The following BCL11A variants were observed in gnomAD, a reference collection of about 807,000 sequenced individuals.
BCL11A encodes the protein BCL11 transcription factor A, also known as B cell CLL/lymphoma 11A.
In BCL11A, 2 loss-of-function variants were observed where a neutral mutation model predicts 55.9. That is an observed-to-expected ratio of 0.04 (90% confidence interval 0.01 to 0.11). The LOEUF is 0.11. BCL11A is among the 10% of genes least tolerant of loss of function. The pLI is 1.00. For missense variants in BCL11A, 817 were observed against 1,137.1 expected, an observed-to-expected ratio of 0.72 and a Z score of 4.05; for synonymous variants, 465 against 473.4, an observed-to-expected ratio of 0.98 and a Z score of 0.23.
intron 2 of BCL11A, among the ~76,000 whole-genome samples, chr2:60,532,429 T>C (rs1052195279): frequency 6.6e-6 from 1 of 152,056 alleles, no homozygotes; most frequent in Non-Finnish European, 1.5e-5. Flanking sequence ...TTTTCTTTTT[T>C]TGGTGGTGGT....
At chr2:60,527,875 G>A (rs1457808697) in intron 2 of BCL11A, 1 of 152,212 alleles carries the variant, frequency 6.6e-6, no homozygotes, top group Non-Finnish European at 1.5e-5. Flanking sequence ...CATCTGCAAC[G>A]AACCTCAGGT....
intron 2 of BCL11A, chr2:60,478,119 C>A (rs1261659833): frequency 1.3e-5 from 2 of 152,304 alleles, no homozygotes; most frequent in Non-Finnish European, 2.9e-5. Flanking sequence ...GCGCCACCAC[C>A]ACACCTGGCT....
intron 2 of BCL11A, among the ~76,000 whole-genome samples, chr2:60,515,963 C>G (rs1387196261): frequency 6.6e-6 from 1 of 152,192 alleles, no homozygotes; most frequent in Non-Finnish European, 1.5e-5. Context: ...TGGGCCAACA[C>G]CCACGGAGGG....
intron 3 of BCL11A, among the ~76,000 whole-genome samples, chr2:60,466,575 T>A (rs1248740720): frequency 6.6e-6 from 1 of 152,166 alleles, no homozygotes; most frequent in East Asian, 1.9e-4. Context: ...ACAATAACTC[T>A]TTGTTACCTA....
intron 2 of BCL11A, among the ~76,000 whole-genome samples, chr2:60,493,175 A>G (rs1182356741): frequency 3.4e-5 from 3 of 87,186 alleles, no homozygotes; most frequent in African/African-American, 1.5e-4. Flanking sequence ...TCATTCTTCT[A>G]CTGTTGAGTT....
intron 1 of BCL11A, among the ~76,000 whole-genome samples, chr2:60,549,204 C>T (rs939997345): frequency 6.6e-6 from 1 of 152,140 alleles, no homozygotes; most frequent in Non-Finnish European, 1.5e-5. Context: ...GTCTCAATGT[C>T]TCAGTGACAG....
intron 2 of BCL11A, chr2:60,545,247 T>C (rs1000581801): frequency 3.3e-5 from 5 of 152,276 alleles, no homozygotes; most frequent in African/African-American, 1.2e-4. Context: ...AACCAACCTT[T>C]TGAAATTTCC....
At chr2:60,522,672 C>T (rs1488852427) in intron 2 of BCL11A, 1 of 152,336 alleles carries the variant, frequency 6.6e-6, no homozygotes, top group Non-Finnish European at 1.5e-5. Flanking sequence ...GCCCCACAGG[C>T]CCTGAGTCTC....
intron 1 of BCL11A, 148 bp downstream of exon 1, chr2:60,553,068 A>T (rs1670488068): frequency 2.7e-6 from 2 of 752,092 alleles, no homozygotes; most frequent in Non-Finnish European, 4.0e-6. Context: ...TTCCCCCTTT[A>T]TCTCTTTTAC....
chr2:60,502,125 G>T (rs1679325072), intron 2 of BCL11A, among the ~76,000 whole-genome samples: 1 of 152,288 alleles, frequency 6.6e-6, no homozygotes, highest in South Asian at 2.1e-4. Flanking sequence ...TTTGCATGTT[G>T]TAACAATGCA....
chr2:60,454,143 C>T (rs141099419), downstream of BCL11A, among the ~76,000 whole-genome samples: 8 of 152,072 alleles, frequency 5.3e-5, no homozygotes, highest in Non-Finnish European at 1.2e-4. Flanking sequence ...AATGGGATAA[C>T]GAGATGCCAG....
Position 60,460,271 on chromosome 2 carries a change from GTT to G in BCL11A, c.*131_*132del, listed in dbSNP as rs1353365493. ...ATTCTTAGCTTCGTTACTTCTGTTT[GTT>G]TGTTTGTTTGTTTAAATCACATGGG... is the stretch of plus-strand genomic sequence containing the variant. On this transcript the variant is annotated 3_prime_UTR_variant, in exon 4 of 4. Transcript: ENST00000642384. The G allele has an allele frequency of 9.0e-6, 13 of 1,437,002 alleles. No homozygotes were observed. Among genetic ancestry groups the G allele is most frequent in the Non-Finnish European group, 1.2e-5 (13 of 1,096,360 alleles). 89.0% of individuals were successfully genotyped at this position (1,437,002 alleles called of 1,614,324 possible).
At position 60,553,455 on chromosome 2, in the gene BCL11A, G is replaced by A; in HGVS notation, c.-185C>T. 1 of 218,760 alleles carries A rather than the reference G, an allele frequency of 4.6e-6. No homozygotes were observed. 13.6% of individuals were successfully genotyped at this position (218,760 alleles called of 1,614,324 possible). On this transcript the variant is annotated 5_prime_UTR_variant, in exon 1 of 4. Transcript: ENST00000642384. ...GATGGCGCAGGGAAGATGAATTGTG[G>A]GAGAGCCGTCATGGCTTTTTTTTAA...
chr2:60,484,606 C>T (rs774440417), intron 2 of BCL11A: 1 of 151,996 alleles, frequency 6.6e-6, no homozygotes, highest in African/African-American at 2.4e-5. Flanking sequence ...GGTCAGCAGC[C>T]GCACCTGGTG....
intron 2 of BCL11A, among the ~76,000 whole-genome samples, chr2:60,491,702 AAG>A (rs1553410235): frequency 1.3e-5 from 2 of 151,252 alleles, no homozygotes; most frequent in Non-Finnish European, 1.5e-5. Flanking sequence ...AAAAAAAAAA[AAG>A]AAAGAAATGC....
At chr2:60,477,267 C>T (rs138800492) in intron 2 of BCL11A, among the ~76,000 whole-genome samples, 3 of 152,278 alleles carry the variant, frequency 2.0e-5, no homozygotes, top group East Asian at 3.9e-4. Context: ...TCTGATAACA[C>T]CTGCCAGAGC....
At chr2:60,494,584 A>G (rs1259431758) in intron 2 of BCL11A, among the ~76,000 whole-genome samples, 2 of 152,206 alleles carry the variant, frequency 1.3e-5, no homozygotes, top group Non-Finnish European at 2.9e-5. Context: ...TGGTTCTGTG[A>G]TGACAAATAA....
In BCL11A at chr2:60,459,222, A is replaced by G; in HGVS notation, c.*1182T>C. On this transcript the variant is annotated 3_prime_UTR_variant, in exon 4 of 4. Coordinates refer to ENST00000642384, the MANE Select transcript of BCL11A (RefSeq NM_022893.4). The stretch of plus-strand genomic sequence containing the variant: ...ACAAGGTCTTAAAGTTTATCATTTG[A>G]TTGTCCACTTGACAACCAAGTAGAT... 5 of 1,019,004 alleles carry G rather than the reference A, an allele frequency of 4.9e-6. No individual in the cohort carries two copies. The highest frequency in any genetic ancestry group is 5.9e-6 in the Non-Finnish European group (5 of 848,748). The allele number at this position is 1,019,004 out of a possible 1,614,324, so 63.1% of individuals were successfully genotyped here. A position where few individuals can be genotyped will look rare whatever the true frequency, so the allele number is the denominator to read the frequency against.
At position 60,457,486 on chromosome 2, in the gene BCL11A, C is replaced by T. The variant is rs73932586; in HGVS notation, c.*2918G>A. 3.0e-3 allele frequency: 3,086 copies of T among 1,041,898 alleles called. 64 individuals are homozygous for T. In the African/African-American group the frequency reaches 0.046, roughly 15 times the overall value. 64.5% of individuals were successfully genotyped at this position (1,041,898 alleles called of 1,614,324 possible). On this transcript the variant is annotated 3_prime_UTR_variant, in exon 4 of 4. Transcript: ENST00000642384. Reference sequence around the variant, plus strand: ...TAGTAAAAGATAAAATTTCAAGTTACGACAAACAGCTTTCATTACAGGAAT... The same window carrying T: ...TAGTAAAAGATAAAATTTCAAGTTATGACAAACAGCTTTCATTACAGGAAT...
Sources: gnomAD v4.1 joint callset for allele counts (sites outside exome capture counted in the v4.1 genomes callset) on GRCh38, gnomAD v4.1.1 for gene constraint, MANE v1.5 for transcripts, NCBI Gene and HGNC (gene_info 2026-07-23, HGNC 2026-07-21) for gene names.